Variants in DISP1 observed in about 807,000 individuals in gnomAD.
DISP1 encodes protein dispatched homolog 1.
In DISP1, 30 loss-of-function variants were observed where a neutral mutation model predicts 37.3. That is an observed-to-expected ratio of 0.80 (90% CI 0.60 to 1.09). The LOEUF (loss-of-function observed/expected upper bound fraction) is 1.09, where lower values mean the gene tolerates loss of function less well. Among genes scored for constraint, DISP1 ranks in the 50% least tolerant of loss-of-function variants. DISP1 has a pLI of 0.00. For missense variants in DISP1, 1,598 were observed against 1,879.5 expected (o/e 0.85, Z 2.77); for synonymous variants, 634 against 690.2 (o/e 0.92, Z 1.28).
At chr1:222,855,214 G>T (rs1328739739) in intron 1 of DISP1, among the ~76,000 whole-genome samples, 3 of 152,284 alleles carry the variant, frequency 2.0e-5, no homozygotes, top group Admixed American at 2.0e-4. Flanking sequence ...TTTCACCTGT[G>T]CTCTCTTATT....
rs77396723 is a variant in DISP1 at position 222,912,003 on chromosome 1, A to C, written c.-158-16427A>C. ...GGTGGATGCCAGCTTAAAGAATAGC[A>C]AGGAATTGAATATGTGGTTGCAGCA... On this transcript the variant is annotated intron_variant, in intron 1 of 8. Transcript: ENST00000675850. Among the ~76,000 whole-genome samples the C allele has an allele frequency of 8.1e-4, 124 of 152,284 alleles. 5 individuals carry two copies. In the East Asian group the frequency reaches 0.022, roughly 27 times the overall value.
chr1:222,875,643 C>A (rs1198932458), intron 1 of DISP1, among the ~76,000 whole-genome samples: 1 of 130,984 alleles, frequency 7.6e-6, no homozygotes, highest in Non-Finnish European at 1.6e-5. Flanking sequence ...ATGGTGAAAC[C>A]CTGTCTCTAC....
At chr1:222,862,459 A>G (rs2378609) in intron 1 of DISP1, among the ~76,000 whole-genome samples, 21,890 of 151,854 alleles carry the variant, frequency 0.14, 1,795 homozygotes, top group South Asian at 0.34. Context: ...TAACATTGAT[A>G]TAATTTAACA....
chr1:223,004,417 T>C lies in DISP1; in HGVS notation c.3020T>C (p.Ile1007Thr). The C allele has an allele frequency of 6.2e-7, 1 of 1,614,218 alleles. No individual in the cohort carries two copies. The change falls in exon 9 of 9, where the codon ATC becomes ACC. Residue 1007 changes from isoleucine (I) to threonine (T), a missense_variant. Ile to Thr is a moderately conservative substitution (Grantham distance 89, BLOSUM62 -1). Coordinates refer to ENST00000675850, the MANE Select transcript of DISP1 (RefSeq NM_001377229.1). This position sits in a 1 kb window ranked among gnomAD's most constrained non-coding sequence, Gnocchi z 4.9. ...SVMLLTTWNI[I>T]ISLYAIISIA... ...ATGCTGCTGACAACTTGGAACATCATCATAAGCCTTTATGCCATCATTTCA... is the reference window on the plus strand; with the variant it reads ...ATGCTGCTGACAACTTGGAACATCACCATAAGCCTTTATGCCATCATTTCA...
At position 222,990,626 on chromosome 1, in the gene DISP1, T is replaced by TA. The variant is rs1159371502; in HGVS notation, c.542dup (p.Tyr181Ter). ...CCGACACTTCTTTGTGTTTTGTAGT[T>TA]ATGCAGCCCTGATAGCCGACTGGCC... Reference protein sequence around the residue: ...PSRPFKLPKSYAALIADWPVV... With the variant: ...PSRPFKLPKS Residue 181 changes from tyrosine (Y) to a stop codon, truncating the protein, a stop_gained and frameshift_variant and splice_region_variant, in exon 5 of 9, where the codon TAT (tyrosine) becomes TAAT (stop). Transcript: ENST00000675850. LOFTEE classifies it high-confidence loss of function. 5.0e-6 allele frequency: 8 copies of TA among 1,614,054 alleles called. No homozygotes were observed. The highest frequency in any genetic ancestry group is 1.3e-5 in the African/African-American group (1 of 75,046).
intron 1 of DISP1, among the ~76,000 whole-genome samples, chr1:222,921,657 T>C (rs1672815010): frequency 6.6e-6 from 1 of 152,198 alleles, no homozygotes; most frequent in Admixed American, 6.5e-5. Flanking sequence ...TTTTGTATGC[T>C]GAATATTAAT....
At chr1:222,985,044 C>CA (rs908615001) in intron 4 of DISP1, among the ~76,000 whole-genome samples, 2 of 150,738 alleles carry the variant, frequency 1.3e-5, no homozygotes, top group South Asian at 2.1e-4. Flanking sequence ...TTCATTTTTG[C>CA]AAAAAAACAA....
At chr1:222,999,457 G>A (rs1372903345) in intron 8 of DISP1, among the ~76,000 whole-genome samples, 1 of 152,054 alleles carries the variant, frequency 6.6e-6, no homozygotes, top group East Asian at 1.9e-4. Context: ...ACATGCTTCT[G>A]TGTTTCTGTA....
At chr1:222,975,372 T>G (rs899984870) in intron 3 of DISP1, among the ~76,000 whole-genome samples, 1 of 152,178 alleles carries the variant, frequency 6.6e-6, no homozygotes, top group African/African-American at 2.4e-5. Context: ...CAGTTATGTC[T>G]AGAATAGAAT....
At chr1:222,889,099 C>CT (rs1484148937) in intron 1 of DISP1, among the ~76,000 whole-genome samples, 1 of 151,898 alleles carries the variant, frequency 6.6e-6, no homozygotes, top group Admixed American at 6.6e-5. Context: ...GATTCCAACT[C>CT]TTTAAAAACA....
intron 1 of DISP1, among the ~76,000 whole-genome samples, chr1:222,884,874 G>T (rs116057129): frequency 0.011 from 1,731 of 152,250 alleles, 34 homozygotes; most frequent in African/African-American, 0.04. Flanking sequence ...GTCTCGCTGT[G>T]TGCCCACGCT....
intron 1 of DISP1, among the ~76,000 whole-genome samples, chr1:222,887,486 G>GTTTTTTTTTTTTTTTTTTT (rs940346379): frequency 2.2e-4 from 18 of 83,100 alleles, no homozygotes; most frequent in Non-Finnish European, 2.7e-4. Context: ...CATTGTTTTT[G>GTTTTTTTTTTTTTTTTTTT]TTTTTTTTTT....
Position 223,002,495 on chromosome 1 carries a change from C to T in DISP1, c.1098C>T (p.Ser366=), listed in dbSNP as rs1228921481. The T allele has an allele frequency of 6.2e-7, 1 of 1,614,100 alleles. No individual in the cohort carries two copies. Among genetic ancestry groups the T allele is most frequent in the Admixed American group, 1.7e-5 (1 of 60,002 alleles). The change falls in exon 9 of 9, where the codon TCC becomes TCT. Residue 366 remains serine (S), a synonymous_variant. Transcript: ENST00000675850. The part of the protein sequence containing the change: ...NYIAILNNRS[S]CQKIVERDVS... Reference sequence around the variant, plus strand: ...TCGCCATTCTGAACAATAGATCGTCCTGTCAGAAAATAGTTGAGCGAGACG... The same window carrying T: ...TCGCCATTCTGAACAATAGATCGTCTTGTCAGAAAATAGTTGAGCGAGACG...
intron 3 of DISP1, among the ~76,000 whole-genome samples, chr1:222,973,862 T>C (rs1315855072): frequency 2.0e-5 from 3 of 152,212 alleles, no homozygotes; most frequent in South Asian, 2.1e-4. Context: ...GTCAAGATAT[T>C]TGGATTCTAG....
chr1:222,839,588 A>G (rs959396827), intron 1 of DISP1, among the ~76,000 whole-genome samples: 9 of 152,218 alleles, frequency 5.9e-5, no homozygotes, highest in African/African-American at 1.9e-4. Flanking sequence ...TTTAATTTAC[A>G]GTAGCATTAT....
intron 1 of DISP1, among the ~76,000 whole-genome samples, chr1:222,874,775 C>T (rs769623739): frequency 2.0e-5 from 3 of 152,174 alleles, no homozygotes; most frequent in African/African-American, 4.8e-5. Flanking sequence ...AGTCATTCTC[C>T]GTCCAGCTTT....
At chr1:222,902,778 G>A (rs373896300) in intron 1 of DISP1, among the ~76,000 whole-genome samples, 29 of 151,866 alleles carry the variant, frequency 1.9e-4, no homozygotes, top group Middle Eastern at 6.8e-3. Flanking sequence ...TTAGAATGGC[G>A]ATCATTAAAA....
intron 1 of DISP1, among the ~76,000 whole-genome samples, chr1:222,903,751 A>G (rs1445478167): frequency 6.6e-6 from 1 of 152,186 alleles, no homozygotes; most frequent in Admixed American, 6.6e-5. Context: ...GATATTTGAC[A>G]TTGCCTTCCA....
rs537984023 is a variant in DISP1, at chr1:222,949,771, C to T, written c.509+6439C>T. 1.2e-4 allele frequency among the ~76,000 whole-genome samples: 18 copies of T among 152,208 alleles called. No individual in the cohort carries two copies. In the East Asian group the frequency reaches 2.1e-3, roughly 18 times the overall value. On this transcript the variant is annotated intron_variant, in intron 3 of 8. Coordinates refer to ENST00000675850, the MANE Select transcript of DISP1 (RefSeq NM_001377229.1). ...CCTCCTGAGCAGTTGGGATTACAGG[C>T]GCACACCACCACGCCCAGCTAATTT...
Sources: allele counts gnomAD v4.1 joint callset (sites outside exome capture counted in the v4.1 genomes callset), GRCh38; gene constraint gnomAD v4.1.1; non-coding constraint Gnocchi (gnomAD v3.1); transcripts MANE v1.5; gene names NCBI Gene and HGNC (gene_info 2026-07-23, HGNC 2026-07-21).